Variants in TANGO2 observed in about 807,000 individuals in gnomAD.
TANGO2 encodes transport and Golgi organization protein 2 homolog.
A neutral mutation model predicts 39.1 loss-of-function variants in TANGO2; 26 were observed. The ratio of observed to expected loss-of-function variants is 0.67; its 90% CI spans 0.49 to 0.92. The LOEUF (loss-of-function observed/expected upper bound fraction) is 0.92. TANGO2 is among the 40% of genes least tolerant of loss of function. The probability of loss-of-function intolerance (pLI) is 0.00; values close to 1 mark genes in which losing one functional copy is unlikely to be tolerated. For missense variants in TANGO2, 326 were observed against 360.1 expected (o/e 0.91, Z 0.77); for synonymous variants, 131 against 144.5 (o/e 0.91, Z 0.67).
chr22:20,025,591 G>A (rs2040585098), intron 1 of TANGO2, among the ~76,000 whole-genome samples: 1 of 152,158 alleles, frequency 6.6e-6, no homozygotes, highest in Non-Finnish European at 1.5e-5. Context: ...AGGTGGCCCT[G>A]CCCTGCCTCC....
chr22:20,035,304 C>T (rs568796095), intron 1 of TANGO2, among the ~76,000 whole-genome samples: 30 of 152,360 alleles, frequency 2.0e-4, no homozygotes, highest in African/African-American at 7.2e-4. Context: ...ATACACTGAG[C>T]CCTCTTCACC....
At chr22:20,029,988 T>C (rs1372323234) in intron 1 of TANGO2, among the ~76,000 whole-genome samples, 1 of 152,132 alleles carries the variant, frequency 6.6e-6, no homozygotes, top group Non-Finnish European at 1.5e-5. Flanking sequence ...GCACATCCTT[T>C]CGTCCCTTGC....
Position 20,053,519 on chromosome 22 carries a change from C to T in TANGO2, c.348C>T (p.Tyr116=), listed in dbSNP as rs199862988. 5.0e-6 allele frequency: 8 copies of T among 1,613,578 alleles called. No individual in the cohort carries two copies. Among genetic ancestry groups the T allele is most frequent in the Non-Finnish European group, 5.9e-6 (7 of 1,179,612 alleles). ...AGGTCTCTATGGAGGGCCATCTGTACAATGGCTTCAACCTCATAGCAGCCG... is the reference window on the plus strand; with the variant it reads ...AGGTCTCTATGGAGGGCCATCTGTATAATGGCTTCAACCTCATAGCAGCCG... ...LKKVSMEGHL[Y]NGFNLIAADL... is the part of the protein sequence containing the mutation. The change falls in exon 5 of 9, where the codon TAC becomes TAT. Residue 116 remains tyrosine, a synonymous_variant. Coordinates refer to ENST00000327374, the MANE Select transcript of TANGO2 (RefSeq NM_152906.7).
At chr22:20,039,032 G>A (rs552511414) in intron 2 of TANGO2, among the ~76,000 whole-genome samples, 1 of 151,376 alleles carries the variant, frequency 6.6e-6, no homozygotes, top group African/African-American at 2.4e-5. Flanking sequence ...CCTCAAACTC[G>A]CCGGCTCAAG....
At chr22:20,037,092 C>T in intron 2 of TANGO2, 5 of 1,526,616 alleles carry the variant, frequency 3.3e-6, no homozygotes, top group South Asian at 1.3e-5. Context: ...AAGGCAGCCA[C>T]AGGTAGGACA....
intron 3 of TANGO2, among the ~76,000 whole-genome samples, chr22:20,051,650 G>T (rs1186220976): frequency 6.6e-6 from 1 of 152,126 alleles, no homozygotes; most frequent in Non-Finnish European, 1.5e-5. Context: ...CCAGGAGTTC[G>T]AGACAAGCCT....
upstream of TANGO2, among the ~76,000 whole-genome samples, chr22:20,020,340 A>G (rs150083122): frequency 2.1e-3 from 321 of 152,260 alleles, 1 homozygote; most frequent in African/African-American, 7.2e-3. Flanking sequence ...TTTCTGCCAC[A>G]TAGGCCCAGG....
chr22:20,051,334 C>G (rs1163838553), intron 3 of TANGO2, among the ~76,000 whole-genome samples: 1 of 151,392 alleles, frequency 6.6e-6, no homozygotes. Flanking sequence ...GAATTCGAGA[C>G]CAGCCTGGCC....
At position 20,034,675 on chromosome 22, in the gene TANGO2, G is replaced by T. The variant is rs79039983; in HGVS notation, c.-39-2085G>T. On this transcript the variant is annotated intron_variant, in intron 1 of 8. Coordinates refer to ENST00000327374, the MANE Select transcript of TANGO2 (RefSeq NM_152906.7). The stretch of plus-strand genomic sequence containing the variant: ...TGTAGTTCATCTCTCCCTAAGCATC[G>T]CTCTTTGGAGTCCCAGCCTAACTTA... Among the ~76,000 whole-genome samples the T allele has an allele frequency of 2.8e-4, 42 of 152,218 alleles. No individual in the cohort carries two copies. The East Asian group carries it at 4.8e-3, about 18-fold the overall frequency.
Position 20,036,829 on chromosome 22 carries a change from C to T in TANGO2, c.31C>T (p.Arg11Cys), listed in dbSNP as rs955838517. 6 of 1,614,130 alleles carry T rather than the reference C, an allele frequency of 3.7e-6. No homozygotes were observed. The highest frequency in any genetic ancestry group is 1.3e-5 in the African/African-American group (1 of 74,942). Residue 11 changes from arginine to cysteine, a missense_variant, in exon 2 of 9, where the codon CGC (arginine) becomes TGC (cysteine). Coordinates refer to ENST00000327374, the MANE Select transcript of TANGO2 (RefSeq NM_152906.7). ...CATCATCTTCTTTAAGTTTGATCCT[C>T]GCCCTGTTTCCAAAAACGCGTACAG... Reference protein sequence around the residue: MCIIFFKFDPRPVSKNAYRLI... With the variant: MCIIFFKFDPCPVSKNAYRLI...
chr22:20,045,538 T>C (rs932582435), intron 3 of TANGO2, among the ~76,000 whole-genome samples: 2 of 149,280 alleles, frequency 1.3e-5, no homozygotes, highest in Non-Finnish European at 3.0e-5. Context: ...AATTTTGCTC[T>C]TGTTGCCCAG....
Position 20,066,757 on chromosome 22 carries a change from C to G in TANGO2, c.*2095C>G, listed in dbSNP as rs770258582. On this transcript the variant is annotated 3_prime_UTR_variant, in exon 9 of 9. Coordinates refer to ENST00000327374, the MANE Select transcript of TANGO2 (RefSeq NM_152906.7). ...CCCCAGTGGCTACCATGTCCTGTGC[C>G]GGTGACCAGTGCCAGTCCCCAACCT... is the stretch of plus-strand genomic sequence containing the variant. Among the ~76,000 whole-genome samples the G allele has an allele frequency of 1.3e-5, 2 of 152,154 alleles. No homozygotes were observed. Among genetic ancestry groups the G allele is most frequent in the African/African-American group, 2.4e-5 (1 of 41,424 alleles).
chr22:20,059,116 T>G (rs1474589793), intron 6 of TANGO2, among the ~76,000 whole-genome samples: 2 of 152,174 alleles, frequency 1.3e-5, no homozygotes, highest in Admixed American at 1.3e-4. Context: ...TGTGGTGGTC[T>G]GGGCTGTCAA....
intron 2 of TANGO2, among the ~76,000 whole-genome samples, chr22:20,039,464 A>G (rs2147146114): frequency 6.6e-6 from 1 of 151,552 alleles, no homozygotes; most frequent in East Asian, 2.0e-4. Flanking sequence ...CCCCATCTCT[A>G]CTAAAAATAC....
At chr22:20,036,641 C>T in intron 1 of TANGO2, 119 bp from the exon 2 acceptor site, 2 of 849,628 alleles carry the variant, frequency 2.4e-6, no homozygotes, top group Non-Finnish European at 3.8e-6. Flanking sequence ...TTCCCCCACA[C>T]CCAGCAAGTA....
intron 3 of TANGO2, among the ~76,000 whole-genome samples, chr22:20,049,616 C>T (rs917599855): frequency 8.7e-5 from 13 of 149,528 alleles, no homozygotes; most frequent in African/African-American, 2.7e-4. Context: ...GCTGAGATCA[C>T]GCCATTGCAC....
intron 2 of TANGO2, among the ~76,000 whole-genome samples, chr22:20,039,092 C>G (rs2043405160): frequency 1.5e-5 from 2 of 132,926 alleles, no homozygotes; most frequent in African/African-American, 5.3e-5. Flanking sequence ...CAACACCATG[C>G]CCGGCTAATT....
chr22:20,023,950 G>C (rs2040234025), intron 1 of TANGO2, among the ~76,000 whole-genome samples: 1 of 152,126 alleles, frequency 6.6e-6, no homozygotes, highest in Non-Finnish European at 1.5e-5. Context: ...GGGAGGCCGA[G>C]ACAGGTGGAT....
At chr22:20,063,619 C>T (rs757341679) in intron 8 of TANGO2, 177 bp downstream of exon 8, 5 of 611,258 alleles carry the variant, frequency 8.2e-6, no homozygotes, top group African/African-American at 1.9e-5. Flanking sequence ...ACCACAGGCT[C>T]CCGGGGCCCC....
Sources: allele counts gnomAD v4.1 joint callset (sites outside exome capture counted in the v4.1 genomes callset), GRCh38; gene constraint gnomAD v4.1.1; transcripts MANE v1.5; gene names NCBI Gene and HGNC (gene_info 2026-07-23, HGNC 2026-07-21).